OR6N1: variants seen among roughly 807,000 people sequenced by gnomAD.
OR6N1 encodes olfactory receptor family 6 subfamily N member 1.
For synonymous variants in OR6N1, 170 were observed against 150.7 expected, an observed-to-expected ratio of 1.13 and a Z score of -0.94; for missense variants, 394 against 371.7, an observed-to-expected ratio of 1.06 and a Z score of -0.49.
the OR6N1 span, among the ~76,000 whole-genome samples, chr1:158,796,719 T>C: frequency 6.6e-6 from 1 of 152,200 alleles, no homozygotes; most frequent in Non-Finnish European, 1.5e-5. Context: ...TTAGTGTTGG[T>C]TACTGGTTCC....
At chr1:158,787,382 T>C in the OR6N1 span, among the ~76,000 whole-genome samples, 1 of 152,084 alleles carries the variant, frequency 6.6e-6, no homozygotes, top group Non-Finnish European at 1.5e-5. Flanking sequence ...TATTTCTTTA[T>C]AACAATCCAA....
chr1:158,802,802 T>A, the OR6N1 span, among the ~76,000 whole-genome samples: 45 of 152,330 alleles, frequency 3.0e-4, 1 homozygote, highest in South Asian at 4.1e-4. Flanking sequence ...ACATTATCAC[T>A]ACCATTATTA....
the OR6N1 span, among the ~76,000 whole-genome samples, chr1:158,825,306 G>A: frequency 6.6e-6 from 1 of 152,038 alleles, no homozygotes; most frequent in African/African-American, 2.4e-5. Flanking sequence ...AGGCATGGTG[G>A]TGGGCGCCTG....
At chr1:158,805,396 A>C in the OR6N1 span, among the ~76,000 whole-genome samples, 1 of 152,198 alleles carries the variant, frequency 6.6e-6, no homozygotes, top group Non-Finnish European at 1.5e-5. Context: ...ACTACTTCTC[A>C]AACTTTTATT....
the OR6N1 span, among the ~76,000 whole-genome samples, chr1:158,778,878 C>T: frequency 6.6e-6 from 1 of 151,648 alleles, no homozygotes; most frequent in Non-Finnish European, 1.5e-5. Flanking sequence ...ATCAGCCGGG[C>T]GTGGTGGCGG....
chr1:158,784,463 C>T, the OR6N1 span, among the ~76,000 whole-genome samples: 2 of 152,098 alleles, frequency 1.3e-5, no homozygotes, highest in African/African-American at 4.8e-5. Flanking sequence ...TGGAAATATG[C>T]AATATGACAT....
chr1:158,776,777 G>T (rs1657605112), upstream of OR6N1: 3 of 1,613,882 alleles, frequency 1.9e-6, no homozygotes, highest in East Asian at 6.7e-5. Flanking sequence ...TAGATAATTG[G>T]ATTGACCATT....
At chr1:158,783,171 C>T in the OR6N1 span, among the ~76,000 whole-genome samples, 1 of 152,186 alleles carries the variant, frequency 6.6e-6, no homozygotes, top group South Asian at 2.1e-4. Context: ...CACTTCCCCT[C>T]ATTGGTCCTA....
the OR6N1 span, among the ~76,000 whole-genome samples, chr1:158,783,871 C>G: frequency 1.3e-5 from 2 of 152,068 alleles, no homozygotes; most frequent in Non-Finnish European, 2.9e-5. Flanking sequence ...CTTTGGGATG[C>G]CAAGGCAGGT....
At chr1:158,818,768 C>T in the OR6N1 span, among the ~76,000 whole-genome samples, 1 of 152,076 alleles carries the variant, frequency 6.6e-6, no homozygotes, top group South Asian at 2.1e-4. Flanking sequence ...CTATCCTTAC[C>T]CAGTCTAGAT....
At chr1:158,793,979 A>C in the OR6N1 span, among the ~76,000 whole-genome samples, 7 of 152,240 alleles carry the variant, frequency 4.6e-5, no homozygotes, top group East Asian at 1.4e-3. Context: ...TCCTAAGCTG[A>C]TGTTCCGGCT....
rs1304198350 is a variant in OR6N1, at chr1:158,764,634, T to C, written c.*1110A>G. On this transcript the variant is annotated 3_prime_UTR_variant, in exon 2 of 2. Transcript: ENST00000641846. ...CTTGTAGTTAATATTTGATCCTCCA[T>C]TCATGGAAGGATACATAAAGAATAC... 6.6e-6 allele frequency: 1 copy of C among 152,130 alleles called. No individual in the cohort carries two copies. 9.4% of individuals were successfully genotyped at this position (152,130 alleles called of 1,614,324 possible).
the OR6N1 span, among the ~76,000 whole-genome samples, chr1:158,793,325 T>G: frequency 6.6e-6 from 1 of 152,192 alleles, no homozygotes; most frequent in Non-Finnish European, 1.5e-5. Context: ...AGTGTTATCT[T>G]TTGTGAGTTT....
upstream of OR6N1, among the ~76,000 whole-genome samples, chr1:158,773,009 T>C (rs1453424549): frequency 6.6e-6 from 1 of 152,164 alleles, no homozygotes; most frequent in Non-Finnish European, 1.5e-5. Flanking sequence ...TTTCCTCAGA[T>C]AAAATTAATA....
chr1:158,816,418 G>A, the OR6N1 span, among the ~76,000 whole-genome samples: 1 of 151,934 alleles, frequency 6.6e-6, no homozygotes, highest in Non-Finnish European at 1.5e-5. Flanking sequence ...CAGGCTGGGA[G>A]CAGTGACTTA....
rs539955988 is a variant in OR6N1, at chr1:158,768,561, T to C, written c.-18-1861A>G. 3.3e-5 allele frequency among the ~76,000 whole-genome samples: 5 copies of C among 152,156 alleles called. No homozygotes were observed. In the South Asian group the frequency reaches 6.2e-4, roughly 19 times the overall value. ...AACAGATCTCCCTACTTGCATTTGT[T>C]CACTTGTAGCCTCATCTCAACACAC... On this transcript the variant is annotated intron_variant, in intron 1 of 1. Transcript: ENST00000641846.
chr1:158,813,697 C>CTTTTTTTT, the OR6N1 span, among the ~76,000 whole-genome samples: 3 of 78,612 alleles, frequency 3.8e-5, no homozygotes, highest in African/African-American at 5.1e-5. Context: ...TATGTATGGT[C>CTTTTTTTT]TTTTTTTTTT....
chr1:158,808,902 C>T, the OR6N1 span: 1 of 152,696 alleles, frequency 6.5e-6, no homozygotes, highest in Non-Finnish European at 1.5e-5. Flanking sequence ...CAACTGGCCC[C>T]AGCTAGTCGT....
the OR6N1 span, among the ~76,000 whole-genome samples, chr1:158,801,801 T>C: frequency 6.6e-6 from 1 of 152,314 alleles, no homozygotes; most frequent in South Asian, 2.1e-4. Flanking sequence ...CTAATAGTCC[T>C]TATCTGGGAA....
Sources: gnomAD v4.1 joint callset for allele counts (sites outside exome capture counted in the v4.1 genomes callset) on GRCh38, gnomAD v4.1.1 for gene constraint, MANE v1.5 for transcripts, NCBI Gene and HGNC (gene_info 2026-07-23, HGNC 2026-07-21) for gene names.